The following LRRC7 variants were observed in gnomAD, a reference collection of about 807,000 sequenced individuals.
The protein encoded by LRRC7 is leucine rich repeat containing 7.
A neutral mutation model predicts 175.7 loss-of-function variants in LRRC7; 23 were observed. The ratio of observed to expected loss-of-function variants is 0.13; its 90% CI spans 0.09 to 0.19. The LOEUF (loss-of-function observed/expected upper bound fraction) is 0.19, where lower values mean the gene tolerates loss of function less well. Among genes scored for constraint, LRRC7 ranks in the 10% least tolerant of loss-of-function variants. The pLI is 1.00. For synonymous variants in LRRC7, 685 were observed against 680.9 expected (o/e 1.01, Z -0.09); for missense variants, 1,354 against 1,904.7 (o/e 0.71, Z 5.38).
intron 2 of LRRC7, among the ~76,000 whole-genome samples, chr1:69,692,286 A>G (rs1318039160): frequency 6.6e-6 from 1 of 152,192 alleles, no homozygotes; most frequent in Non-Finnish European, 1.5e-5. Flanking sequence ...AACTGGGTAA[A>G]TCACCTCACT....
intron 7 of LRRC7, among the ~76,000 whole-genome samples, chr1:69,855,704 C>A (rs1484905092): frequency 6.6e-6 from 1 of 152,054 alleles, no homozygotes. Flanking sequence ...TCTCGTTGAT[C>A]TGTCTAATGT....
At chr1:69,759,417 T>C (rs1301864193) in intron 2 of LRRC7, among the ~76,000 whole-genome samples, 1 of 151,970 alleles carries the variant, frequency 6.6e-6, no homozygotes, top group Non-Finnish European at 1.5e-5. Flanking sequence ...GATAAAAGTC[T>C]TCGCAAAATT....
At chr1:70,018,406 T>G (rs950845065) in intron 14 of LRRC7, among the ~76,000 whole-genome samples, 1 of 152,080 alleles carries the variant, frequency 6.6e-6, no homozygotes, top group African/African-American at 2.4e-5. Context: ...TATAGAACTG[T>G]ACCAAAAGCT....
chr1:69,870,038 T>G (rs1685359301), intron 7 of LRRC7, among the ~76,000 whole-genome samples: 1 of 151,884 alleles, frequency 6.6e-6, no homozygotes, highest in Non-Finnish European at 1.5e-5. Flanking sequence ...AATGTGGGAG[T>G]CAGTTCTAGC....
Position 69,994,553 on chromosome 1 carries a change from TG to T in LRRC7, c.932-7del. 2 of 1,582,956 alleles carry T rather than the reference TG, an allele frequency of 1.3e-6. No individual in the cohort carries two copies. Among genetic ancestry groups the T allele is most frequent in the Non-Finnish European group, 1.7e-6 (2 of 1,153,354 alleles). On this transcript the variant is annotated splice_polypyrimidine_tract_variant and splice_region_variant and intron_variant, in intron 10 of 26. Coordinates refer to ENST00000651989, the MANE Select transcript of LRRC7 (RefSeq NM_001370785.2). ...TTATGTATTAATCAACCTTCTTCTC[TG>T]CTTTAGGACTTTTGAAAAAACTAAC... is the stretch of plus-strand genomic sequence containing the variant.
intron 2 of LRRC7, among the ~76,000 whole-genome samples, chr1:69,725,810 C>T (rs77948191): frequency 0.013 from 1,932 of 152,312 alleles, 35 homozygotes; most frequent in Middle Eastern, 0.058. Context: ...ACCTGTGCTG[C>T]TCTGGGGAGC....
At chr1:69,706,834 C>G (rs1664096296) in intron 2 of LRRC7, among the ~76,000 whole-genome samples, 1 of 152,184 alleles carries the variant, frequency 6.6e-6, no homozygotes, top group African/African-American at 2.4e-5. Flanking sequence ...GAAGAACACA[C>G]TACCTATGTC....
chr1:69,590,015 A>T (rs1646570890), intron 1 of LRRC7, among the ~76,000 whole-genome samples: 1 of 152,210 alleles, frequency 6.6e-6, no homozygotes, highest in African/African-American at 2.4e-5. Flanking sequence ...GGCTATATTT[A>T]TCCTCACCTT....
chr1:69,747,539 A>T (rs1669388343), intron 2 of LRRC7, among the ~76,000 whole-genome samples: 1 of 152,144 alleles, frequency 6.6e-6, no homozygotes, highest in Non-Finnish European at 1.5e-5. Context: ...TTTTGATTAA[A>T]TTCTGTCCAC....
At position 70,133,332 on chromosome 1, in the gene LRRC7, TGC is replaced by T; in HGVS notation, c.*11446_*11447del. The stretch of plus-strand genomic sequence containing the variant: ...ACCTCCTGGGTTCAAACGATTTTCC[TGC>T]CTCAGCCTCCCGAGTAGCTGGGACT... On this transcript the variant is annotated 3_prime_UTR_variant, in exon 27 of 27. Transcript: ENST00000651989. 6.6e-6 allele frequency among the ~76,000 whole-genome samples: 1 copy of T among 152,080 alleles called. No individual in the cohort carries two copies. Among genetic ancestry groups the T allele is most frequent in the Non-Finnish European group, 1.5e-5 (1 of 68,006 alleles).
intron 7 of LRRC7, among the ~76,000 whole-genome samples, chr1:69,864,669 G>A (rs1276621055): frequency 6.6e-6 from 1 of 152,166 alleles, no homozygotes; most frequent in Non-Finnish European, 1.5e-5. Flanking sequence ...TTGCAGTGAT[G>A]ACACACTGAT....
intron 7 of LRRC7, among the ~76,000 whole-genome samples, chr1:69,850,823 G>T (rs930039361): frequency 1.3e-5 from 2 of 152,050 alleles, no homozygotes; most frequent in Non-Finnish European, 2.9e-5. Flanking sequence ...ATCAGCTGTT[G>T]GTGGCTAGAT....
rs1442812782 is a variant in LRRC7, at chr1:70,038,829, C to A, written c.3005C>A (p.Pro1002Gln). The change falls in exon 21 of 27, where the codon CCA (proline) becomes CAA (glutamine). Residue 1002 changes from proline to glutamine, a missense_variant. Around this residue, in one of 4 missense-constraint regions of LRRC7, gnomAD observed 1,032 missense variants for 1,227.2 expected, o/e 0.84. Coordinates refer to ENST00000651989, the MANE Select transcript of LRRC7 (RefSeq NM_001370785.2). ...GGTACATATAAGGTGTATAACATAC[C>A]ATTAGAAAACTATGCTTCTGGGAGT... ...DIGTYKVYNI[P>Q]LENYASGSDH... 6.2e-7 allele frequency: 1 copy of A among 1,613,770 alleles called. No homozygotes were observed. Among genetic ancestry groups the A allele is most frequent in the South Asian group, 1.1e-5 (1 of 91,024 alleles).
chr1:69,710,201 C>T (rs545411268), intron 2 of LRRC7, among the ~76,000 whole-genome samples: 1 of 150,154 alleles, frequency 6.7e-6, no homozygotes, highest in Non-Finnish European at 1.5e-5. Context: ...ATCACTTGAA[C>T]CCTGGAGGCG....
At chr1:69,706,693 T>G (rs1664077384) in intron 2 of LRRC7, among the ~76,000 whole-genome samples, 2 of 152,140 alleles carry the variant, frequency 1.3e-5, no homozygotes, top group Admixed American at 6.6e-5. Flanking sequence ...ATAATTGAGT[T>G]TCTGAGGCAG....
intron 6 of LRRC7, among the ~76,000 whole-genome samples, chr1:69,836,976 C>A (rs1341774255): frequency 6.6e-6 from 1 of 151,600 alleles, no homozygotes. Context: ...AAATATTTCC[C>A]CAAACATTAA....
chr1:69,579,755 T>G (rs1646114989), intron 1 of LRRC7, among the ~76,000 whole-genome samples: 1 of 151,924 alleles, frequency 6.6e-6, no homozygotes, highest in South Asian at 2.1e-4. Flanking sequence ...CATAGCCATA[T>G]GACTTGCTAA....
At chr1:70,035,210 T>C (rs923888318) in intron 18 of LRRC7, among the ~76,000 whole-genome samples, 1 of 152,214 alleles carries the variant, frequency 6.6e-6, no homozygotes, top group Non-Finnish European at 1.5e-5. Flanking sequence ...ATAGCTGCTA[T>C]GCATAAATAT....
At chr1:69,785,810 G>A (rs181063712) in intron 3 of LRRC7, among the ~76,000 whole-genome samples, 5 of 151,902 alleles carry the variant, frequency 3.3e-5, no homozygotes, top group Non-Finnish European at 5.9e-5. Context: ...ATAATAATCC[G>A]AATATGAGTG....
Sources: gnomAD v4.1 joint callset for allele counts (sites outside exome capture counted in the v4.1 genomes callset) on GRCh38, gnomAD v4.1.1 for gene constraint, gnomAD v4.1.1 regional missense constraint, MANE v1.5 for transcripts, NCBI Gene and HGNC (gene_info 2026-07-23, HGNC 2026-07-21) for gene names.